The following GALNT7 variants were observed in gnomAD, a reference collection of about 807,000 sequenced individuals.
GALNT7 encodes N-acetylgalactosaminyltransferase 7.
In GALNT7, 60 loss-of-function variants were observed where a neutral mutation model predicts 82.1. The observed-to-expected ratio is 0.73, with a 90% CI of 0.59 to 0.91. The LOEUF (loss-of-function observed/expected upper bound fraction) is 0.91. Ranked by LOEUF, GALNT7 falls within the 40% of genes least tolerant of loss-of-function variation. The probability of loss-of-function intolerance (pLI) is 0.00; values close to 1 mark genes in which losing one functional copy is unlikely to be tolerated. For synonymous variants in GALNT7, 243 were observed against 275.1 expected (o/e 0.88, Z 1.15); for missense variants, 660 against 804.2 (o/e 0.82, Z 2.17).
At chr4:173,307,081 G>C (rs1210099912) in intron 8 of GALNT7, among the ~76,000 whole-genome samples, 1 of 152,248 alleles carries the variant, frequency 6.6e-6, no homozygotes, top group Non-Finnish European at 1.5e-5. Flanking sequence ...GTGCTCCTCA[G>C]TGGCTAATGC....
intron 1 of GALNT7, among the ~76,000 whole-genome samples, chr4:173,228,874 G>A (rs1229816271): frequency 6.6e-6 from 1 of 152,152 alleles, no homozygotes; most frequent in Non-Finnish European, 1.5e-5. Context: ...TGAAGTAGAT[G>A]TGCAAGAAAT....
rs970842478 is a variant in GALNT7 at position 173,302,757 on chromosome 4, T to A, written c.1266+593T>A. 6.6e-6 allele frequency among the ~76,000 whole-genome samples: 1 copy of A among 152,250 alleles called. No homozygotes were observed. The highest frequency in any genetic ancestry group is 1.5e-5 in the Non-Finnish European group (1 of 68,040). ...GAGTGTGAGTTAAACAGGTATTCATTACCTCTTGTCTTAAATGTCCTGTGC... is the reference window on the plus strand; with the variant it reads ...GAGTGTGAGTTAAACAGGTATTCATAACCTCTTGTCTTAAATGTCCTGTGC... On this transcript the variant is annotated intron_variant, in intron 7 of 11. Transcript: ENST00000265000. The surrounding 1 kb of genome is among the most constrained non-coding windows in gnomAD (Gnocchi z 4.2).
At chr4:173,237,085 A>G (rs1286700371) in intron 1 of GALNT7, among the ~76,000 whole-genome samples, 1 of 152,168 alleles carries the variant, frequency 6.6e-6, no homozygotes, top group Non-Finnish European at 1.5e-5. Context: ...ATTCTGTTAC[A>G]TTGTCACACC....
Position 173,198,172 on chromosome 4 carries a change from G to A in GALNT7, c.126+29211G>A, listed in dbSNP as rs552586761. On this transcript the variant is annotated intron_variant, in intron 1 of 11. Coordinates refer to ENST00000265000, the MANE Select transcript of GALNT7 (RefSeq NM_017423.3). ...CCTTCCGGGTTCACGCCATTCTCCC[G>A]CCTCAGCCTCCCAAGTAGCTGGGAC... Among the ~76,000 whole-genome samples, 16 of 150,614 alleles carry A rather than the reference G, an allele frequency of 1.1e-4. No individual in the cohort carries two copies. The East Asian group carries it at 2.5e-3, about 24-fold the overall frequency.
intron 1 of GALNT7, among the ~76,000 whole-genome samples, chr4:173,196,094 A>G (rs571666716): frequency 4.6e-5 from 7 of 152,032 alleles, no homozygotes; most frequent in Non-Finnish European, 5.9e-5. Context: ...TTTCTAGTTC[A>G]TATTTTAATA....
At chr4:173,316,524 A>G (rs1737611199) in intron 9 of GALNT7, 1 of 152,184 alleles carries the variant, frequency 6.6e-6, no homozygotes, top group Non-Finnish European at 1.5e-5. Context: ...GAATGGAGGC[A>G]GGGGCCCACA....
chr4:173,233,447 C>T (rs141627810), intron 1 of GALNT7, among the ~76,000 whole-genome samples: 1 of 152,280 alleles, frequency 6.6e-6, no homozygotes, highest in African/African-American at 2.4e-5. Context: ...TGAGATGATA[C>T]TTCATTGCGG....
At chr4:173,169,924 G>C (rs563162822) in intron 1 of GALNT7, among the ~76,000 whole-genome samples, 9 of 152,066 alleles carry the variant, frequency 5.9e-5, no homozygotes, top group Non-Finnish European at 1.5e-5. Context: ...CGCGGAGCTC[G>C]CGGCGGCTCC....
At chr4:173,285,723 G>A (rs1246722240) in intron 2 of GALNT7, among the ~76,000 whole-genome samples, 1 of 152,188 alleles carries the variant, frequency 6.6e-6, no homozygotes, top group Non-Finnish European at 1.5e-5. Flanking sequence ...ACAGACAGAA[G>A]AAGATCCAGC....
intron 2 of GALNT7, among the ~76,000 whole-genome samples, chr4:173,286,174 G>A (rs1310225884): frequency 6.6e-6 from 1 of 152,154 alleles, no homozygotes; most frequent in Non-Finnish European, 1.5e-5. Flanking sequence ...ATTTTACAGA[G>A]AATGTAAACA....
Position 173,302,243 on chromosome 4 carries a change from TG to T in GALNT7, c.1266+84del. 1 of 768,360 alleles carries T rather than the reference TG, an allele frequency of 1.3e-6. No homozygotes were observed. Among genetic ancestry groups the T allele is most frequent in the South Asian group, 1.5e-5 (1 of 68,138 alleles). 47.6% of individuals were successfully genotyped at this position (768,360 alleles called of 1,614,324 possible). On this transcript the variant is annotated intron_variant, in intron 7 of 11. Transcript: ENST00000265000. This position sits in a 1 kb window ranked among gnomAD's most constrained non-coding sequence, Gnocchi z 4.2. ...GCTTTCAGATAAAGCTAGTTTTTTG[TG>T]GGGGAAAAAAGCCCACAATTATATC...
At chr4:173,260,065 A>T (rs1361921718) in intron 2 of GALNT7, among the ~76,000 whole-genome samples, 1 of 152,246 alleles carries the variant, frequency 6.6e-6, no homozygotes, top group Non-Finnish European at 1.5e-5. Flanking sequence ...TATACTTATC[A>T]GGACTATTAT....
intron 8 of GALNT7, among the ~76,000 whole-genome samples, chr4:173,305,834 C>T (rs978434951): frequency 1.3e-5 from 2 of 152,124 alleles, no homozygotes; most frequent in African/African-American, 4.8e-5. Context: ...AGTGTGATGC[C>T]TCCAGCTTCG....
At chr4:173,260,413 G>A (rs1735218215) in intron 2 of GALNT7, among the ~76,000 whole-genome samples, 1 of 152,158 alleles carries the variant, frequency 6.6e-6, no homozygotes, top group African/African-American at 2.4e-5. Context: ...TTTAATATGT[G>A]TAAAATTATA....
chr4:173,293,620 A>G (rs1202157697), intron 3 of GALNT7, among the ~76,000 whole-genome samples: 1 of 152,228 alleles, frequency 6.6e-6, no homozygotes, highest in Non-Finnish European at 1.5e-5. Context: ...AGTATCCTCT[A>G]TAAAGGTTTG....
At chr4:173,278,494 A>G (rs1240948720) in intron 2 of GALNT7, among the ~76,000 whole-genome samples, 1 of 152,222 alleles carries the variant, frequency 6.6e-6, no homozygotes, top group Non-Finnish European at 1.5e-5. Flanking sequence ...AGGGATGGTT[A>G]TACACAACAA....
rs1357456589 is a variant in GALNT7 at position 173,318,713 on chromosome 4, T to TGC, written c.1836+155_1836+156insCG. ...CCCTTGCATAGGTTTTCCTGAGCAC[T>TGC]GGATGACTCATTGTTCTATAATGAG... On this transcript the variant is annotated intron_variant, in intron 11 of 11. Coordinates refer to ENST00000265000, the MANE Select transcript of GALNT7 (RefSeq NM_017423.3). 5.5e-6 allele frequency: 3 copies of TGC among 546,104 alleles called. No homozygotes were observed. In the African/African-American group the frequency reaches 5.9e-5, roughly 11 times the overall value. The allele number at this position is 546,104 out of a possible 1,614,324, so 33.8% of individuals were successfully genotyped here.
chr4:173,317,318 A>G (rs1737640354), intron 9 of GALNT7: 3 of 253,798 alleles, frequency 1.2e-5, no homozygotes, highest in East Asian at 1.2e-4. Context: ...TAGGTTCTCT[A>G]TTTGCTTCTC....
At chr4:173,169,368 C>A (rs1731766597) in intron 1 of GALNT7, 1 of 150,908 alleles carries the variant, frequency 6.6e-6, no homozygotes, top group Non-Finnish European at 1.5e-5. Context: ...CGGGGTTGGT[C>A]CAGGCTGCGG....
Sources: gnomAD v4.1 joint callset for allele counts (sites outside exome capture counted in the v4.1 genomes callset) on GRCh38, gnomAD v4.1.1 for gene constraint, Gnocchi (gnomAD v3.1) non-coding constraint, MANE v1.5 for transcripts, NCBI Gene and HGNC (gene_info 2026-07-23, HGNC 2026-07-21) for gene names.